The following PRELID2 variants were observed in gnomAD, a reference collection of about 807,000 sequenced individuals.
PRELID2 encodes PRELI domain containing 2.
A neutral mutation model predicts 28.4 loss-of-function variants in PRELID2; 25 were observed. That is an observed-to-expected ratio of 0.88 (90% CI 0.64 to 1.23). The LOEUF (loss-of-function observed/expected upper bound fraction) is 1.23. Among genes scored for constraint, PRELID2 ranks in the 50% most tolerant of loss-of-function variants. The probability of loss-of-function intolerance (pLI) is 0.00; values close to 1 mark genes in which losing one functional copy is unlikely to be tolerated. For synonymous variants in PRELID2, 76 were observed against 71.6 expected (o/e 1.06, Z -0.31); for missense variants, 201 against 214.4 (o/e 0.94, Z 0.39).
At chr5:145,283,811 T>C in the PRELID2 span, among the ~76,000 whole-genome samples, 6,157 of 152,244 alleles carry the variant, frequency 0.04, 395 homozygotes, top group African/African-American at 0.14. Flanking sequence ...TTGTATTATT[T>C]AGATGTTAAA....
chr5:145,229,851 G>A, the PRELID2 span: 4 of 758,090 alleles, frequency 5.3e-6, no homozygotes, highest in Non-Finnish European at 9.7e-6. Flanking sequence ...GGAGCCGGCA[G>A]AAGGGAAAGT....
At chr5:145,476,951 A>G (rs1752107814) in intron 1 of PRELID2, among the ~76,000 whole-genome samples, 1 of 152,238 alleles carries the variant, frequency 6.6e-6, no homozygotes. Flanking sequence ...ATTCGTTAAT[A>G]ATTAATAGTA....
chr5:145,676,381 T>C (rs1754818438), intron 1 of PRELID2, among the ~76,000 whole-genome samples: 1 of 151,654 alleles, frequency 6.6e-6, no homozygotes, highest in African/African-American at 2.4e-5. Context: ...CTACTAAAAA[T>C]ACAAAAAATT....
the PRELID2 span, among the ~76,000 whole-genome samples, chr5:145,365,217 A>C: frequency 6.6e-6 from 1 of 151,944 alleles, no homozygotes; most frequent in African/African-American, 2.4e-5. Flanking sequence ...GGTAACCATA[A>C]TAAATAATAA....
At chr5:145,520,771 AAGG>A (rs1752557140) in intron 1 of PRELID2, among the ~76,000 whole-genome samples, 1 of 152,176 alleles carries the variant, frequency 6.6e-6, no homozygotes, top group Non-Finnish European at 1.5e-5. Flanking sequence ...TCAAGCAGAC[AAGG>A]ATTGCCTGTT....
intron 1 of PRELID2, chr5:145,728,332 A>C: frequency 2.9e-6 from 1 of 341,930 alleles, no homozygotes; most frequent in South Asian, 3.3e-5. Flanking sequence ...ATCTCTATTT[A>C]TCTCTATCTC....
At chr5:145,753,634 T>G (rs923280445), downstream of PRELID2, among the ~76,000 whole-genome samples, 15 of 152,232 alleles carry the variant, frequency 9.9e-5, no homozygotes, top group Admixed American at 9.2e-4. Context: ...TAGGAATAAC[T>G]GCCCATGGCT....
chr5:145,642,837 G>A (rs1561529247), intron 1 of PRELID2, among the ~76,000 whole-genome samples: 1 of 152,054 alleles, frequency 6.6e-6, no homozygotes, highest in African/African-American at 2.4e-5. Context: ...GATGTGTGGT[G>A]TTATTTCTGA....
intron 1 of PRELID2, among the ~76,000 whole-genome samples, chr5:145,487,612 G>A (rs1752229492): frequency 6.6e-6 from 1 of 152,008 alleles, no homozygotes; most frequent in Non-Finnish European, 1.5e-5. Flanking sequence ...TATGCTTCAG[G>A]ACAGTCCATC....
At chr5:145,823,929 A>G (rs1754998415) in intron 1 of PRELID2, among the ~76,000 whole-genome samples, 1 of 152,180 alleles carries the variant, frequency 6.6e-6, no homozygotes, top group African/African-American at 2.4e-5. Flanking sequence ...ATATATGAAA[A>G]ATAAGGCTTA....
At chr5:145,650,521 C>T (rs1336243998) in intron 1 of PRELID2, among the ~76,000 whole-genome samples, 2 of 105,400 alleles carry the variant, frequency 1.9e-5, no homozygotes, top group African/African-American at 7.7e-5. Flanking sequence ...TATCGAATCG[C>T]ACATATATAC....
intron 1 of PRELID2, among the ~76,000 whole-genome samples, chr5:145,736,056 C>T (rs1200586417): frequency 6.6e-6 from 1 of 152,130 alleles, no homozygotes; most frequent in Non-Finnish European, 1.5e-5. Flanking sequence ...GCAAATTGAG[C>T]ATCATTTTAA....
At chr5:145,696,603 A>C (rs1239731059) in intron 1 of PRELID2, among the ~76,000 whole-genome samples, 1 of 152,024 alleles carries the variant, frequency 6.6e-6, no homozygotes, top group Non-Finnish European at 1.5e-5. Flanking sequence ...CTGGGACCAC[A>C]GGTGCATGCC....
At chr5:145,622,394 A>G (rs1456320538) in intron 1 of PRELID2, among the ~76,000 whole-genome samples, 1 of 152,176 alleles carries the variant, frequency 6.6e-6, no homozygotes, top group African/African-American at 2.4e-5. Flanking sequence ...TTTTAAGATG[A>G]AAACTAACAG....
chr5:145,364,597 G>A, the PRELID2 span, among the ~76,000 whole-genome samples: 1 of 151,940 alleles, frequency 6.6e-6, no homozygotes, highest in South Asian at 2.1e-4. Context: ...AATAAATGAA[G>A]TGGGGTGCTG....
the PRELID2 span, among the ~76,000 whole-genome samples, chr5:145,309,818 C>G: frequency 6.6e-6 from 1 of 152,070 alleles, no homozygotes; most frequent in Non-Finnish European, 1.5e-5. Context: ...ACTCCAACAC[C>G]CACACCTTAA....
At chr5:145,682,088 T>C (rs1237758792) in intron 1 of PRELID2, among the ~76,000 whole-genome samples, 1 of 151,880 alleles carries the variant, frequency 6.6e-6, no homozygotes, top group Admixed American at 6.6e-5. Context: ...AAGAATTGAA[T>C]AAAATTATGC....
intron 1 of PRELID2, among the ~76,000 whole-genome samples, chr5:145,567,682 T>G (rs1456787249): frequency 6.6e-6 from 1 of 152,134 alleles, no homozygotes; most frequent in Non-Finnish European, 1.5e-5. Flanking sequence ...CCAGCTGATC[T>G]GATGGTTTTA....
the PRELID2 span, among the ~76,000 whole-genome samples, chr5:145,383,476 A>G: frequency 4.1e-4 from 62 of 151,580 alleles, no homozygotes; most frequent in African/African-American, 1.5e-3. Context: ...CTAATAATCA[A>G]ATAGATAAAT....
Sources: allele counts gnomAD v4.1 joint callset (sites outside exome capture counted in the v4.1 genomes callset), GRCh38; gene constraint gnomAD v4.1.1; transcripts MANE v1.5; gene names NCBI Gene and HGNC (gene_info 2026-07-23, HGNC 2026-07-21).